AADAC: variants seen among roughly 807,000 people sequenced by gnomAD.
The protein encoded by AADAC is arylacetamide deacetylase (esterase).
A neutral mutation model predicts 22.7 loss-of-function variants in AADAC; 17 were observed. That is an observed-to-expected ratio of 0.75 (90% confidence interval 0.51 to 1.12). The LOEUF is 1.12. Ranked by LOEUF, AADAC falls within the 50% of genes most tolerant of loss-of-function variation. AADAC has a pLI of 0.00. For missense variants in AADAC, 465 were observed against 473.9 expected (o/e 0.98, Z 0.17); for synonymous variants, 167 against 176.3 (o/e 0.95, Z 0.42).
At chr3:151,817,334 A>C (rs190301576) in intron 1 of AADAC, 32 bp from the exon 2 acceptor site, 1 of 1,581,828 alleles carries the variant, frequency 6.3e-7, no homozygotes, top group African/African-American at 1.3e-5. Flanking sequence ...TTGATACTTG[A>C]ATTTCAGGAG....
Position 151,828,188 on chromosome 3 carries a change from T to C in AADAC, c.*16T>C. The C allele has an allele frequency of 1.5e-6, 2 of 1,376,256 alleles. No homozygotes were observed. Among genetic ancestry groups the C allele is most frequent in the African/African-American group, 1.5e-5 (1 of 68,504 alleles). 85.3% of individuals were successfully genotyped at this position (1,376,256 alleles called of 1,614,324 possible). On this transcript the variant is annotated 3_prime_UTR_variant, in exon 5 of 5. Coordinates refer to ENST00000232892, the MANE Select transcript of AADAC (RefSeq NM_001086.3). Reference sequence around the variant, plus strand: ...AAATCTATAGTAAAACATGTAGCTATAACATATTTTAAAAATAAAATCTGA... The same window carrying C: ...AAATCTATAGTAAAACATGTAGCTACAACATATTTTAAAAATAAAATCTGA...
At chr3:151,824,938 T>A in intron 4 of AADAC, 104 bp downstream of exon 4, 1 of 885,482 alleles carries the variant, frequency 1.1e-6, no homozygotes, top group Non-Finnish European at 1.5e-6. Context: ...TGAATGCAAA[T>A]AGGAGATATT....
In AADAC at chr3:151,815,396, T is replaced by A. The variant is rs181423925; in HGVS notation, c.138+1096T>A. ...AGAAATCATATGAAACATTTGGGTT[T>A]AATGGGGAAATTGTTGCAATTAGTT... is the stretch of plus-strand genomic sequence containing the variant. On this transcript the variant is annotated intron_variant, in intron 1 of 4. Coordinates refer to ENST00000232892, the MANE Select transcript of AADAC (RefSeq NM_001086.3). Among the ~76,000 whole-genome samples the A allele has an allele frequency of 5.7e-3, 862 of 152,134 alleles. 13 individuals carry two copies. Among genetic ancestry groups the A allele is most frequent in the Admixed American group, 9.5e-3 (145 of 15,298 alleles).
chr3:151,827,451 G>T, intron 4 of AADAC, 125 bp from the exon 5 acceptor site: 1 of 467,364 alleles, frequency 2.1e-6, no homozygotes, highest in Non-Finnish European at 3.3e-6. Context: ...TATTACTTAA[G>T]TCTTTTTGAG....
intron 3 of AADAC, among the ~76,000 whole-genome samples, chr3:151,823,999 T>C (rs1377223457): frequency 6.6e-6 from 1 of 152,076 alleles, no homozygotes; most frequent in African/African-American, 2.4e-5. Context: ...GGTACAATGT[T>C]GTACAGCAGA....
rs376418498 is a variant in AADAC, at chr3:151,827,468, A to AATAG, written c.604-96_604-93dup. 36 of 696,888 alleles carry AATAG rather than the reference A, an allele frequency of 5.2e-5. 1 individual carries two copies. The highest frequency in any genetic ancestry group is 2.1e-4 in the East Asian group (8 of 37,336). The allele number at this position is 696,888 out of a possible 1,614,324, so 43.2% of individuals were successfully genotyped here. ...TTACTTAAGTCTTTTTGAGATCATG[A>AATAG]ATAGATAGATAGATAAAAACAAGAT... On this transcript the variant is annotated intron_variant, in intron 4 of 4. Coordinates refer to ENST00000232892, the MANE Select transcript of AADAC (RefSeq NM_001086.3).
At chr3:151,819,110 TA>T (rs1431496436) in intron 2 of AADAC, among the ~76,000 whole-genome samples, 1 of 94,684 alleles carries the variant, frequency 1.1e-5, no homozygotes, top group African/African-American at 3.7e-5. Flanking sequence ...GACAGAAGAT[TA>T]AAAAAATAGA....
At chr3:151,827,446 C>A in intron 4 of AADAC, 130 bp from the exon 5 acceptor site, 1 of 482,682 alleles carries the variant, frequency 2.1e-6, no homozygotes, top group Non-Finnish European at 3.4e-6. Context: ...TCATTTATTA[C>A]TTAAGTCTTT....
At chr3:151,818,983 C>T (rs1716117996) in intron 2 of AADAC, among the ~76,000 whole-genome samples, 1 of 151,866 alleles carries the variant, frequency 6.6e-6, no homozygotes. Flanking sequence ...ACTGGACCTA[C>T]TAAGTTAAGA....
chr3:151,824,916 T>G lies in AADAC; in HGVS notation c.603+82T>G. On this transcript the variant is annotated intron_variant, in intron 4 of 4. Transcript: ENST00000232892. ...CATATTTATAAACATATTGAATGCATGTATTAAAATATGAATGCAAATAGG... is the reference window on the plus strand; with the variant it reads ...CATATTTATAAACATATTGAATGCAGGTATTAAAATATGAATGCAAATAGG... The G allele has an allele frequency of 2.7e-6, 3 of 1,131,598 alleles. 1 individual carries two copies. The highest frequency in any genetic ancestry group is 2.3e-6 in the Non-Finnish European group (2 of 856,552). 70.1% of individuals were successfully genotyped at this position (1,131,598 alleles called of 1,614,324 possible). A position where few individuals can be genotyped will look rare whatever the true frequency, so the allele number is the denominator to read the frequency against.
chr3:151,816,871 A>G (rs1174959412), intron 1 of AADAC, among the ~76,000 whole-genome samples: 7 of 152,082 alleles, frequency 4.6e-5, no homozygotes, highest in Non-Finnish European at 8.8e-5. Context: ...GGTTAGCAAA[A>G]GTGGTCTTGT....
intron 1 of AADAC, 67 bp downstream of exon 1, chr3:151,814,367 T>C: frequency 3.4e-6 from 5 of 1,450,280 alleles, no homozygotes; most frequent in Non-Finnish European, 3.7e-6. Context: ...ATTAAGTTTT[T>C]CAAGATTCTA....
chr3:151,818,456 C>A (rs1202714532), intron 2 of AADAC, among the ~76,000 whole-genome samples: 1 of 151,986 alleles, frequency 6.6e-6, no homozygotes, highest in Non-Finnish European at 1.5e-5. Flanking sequence ...GGATCAGGCA[C>A]CCTCCTGAAC....
rs764309323 is a variant in AADAC at position 151,828,019 on chromosome 3, A to G, written c.1047A>G (p.Gly349=). 1 of 1,613,118 alleles carries G rather than the reference A, an allele frequency of 6.2e-7. No individual in the cohort carries two copies. The highest frequency in any genetic ancestry group is 1.3e-5 in the African/African-American group (1 of 74,826). ...AATATGATCTCTTAAGAGATGATGG[A>G]CTCATGTATGTCACCCGACTTCGCA... The part of the protein sequence containing the change: ...TCQYDLLRDD[G]LMYVTRLRNT... The change falls in exon 5 of 5, where the codon GGA becomes GGG. Residue 349 remains glycine, a synonymous_variant. Transcript: ENST00000232892.
chr3:151,825,931 G>C (rs1202322269), intron 4 of AADAC, among the ~76,000 whole-genome samples: 1 of 151,842 alleles, frequency 6.6e-6, no homozygotes, highest in Non-Finnish European at 1.5e-5. Context: ...ATTATAGGCT[G>C]CATCTGGTAG....
In AADAC at chr3:151,827,896, T is replaced by C; in HGVS notation, c.924T>C (p.Ala308=). The part of the protein sequence containing the change: ...NNPNYGSSEL[A]KKYPGFLDVR... Reference sequence around the variant, plus strand: ...CAAATTATGGCAGTTCTGAGCTGGCTAAAAAATATCCAGGGTTCCTAGATG... The same window carrying C: ...CAAATTATGGCAGTTCTGAGCTGGCCAAAAAATATCCAGGGTTCCTAGATG... The change falls in exon 5 of 5, where the codon GCT becomes GCC. Residue 308 remains alanine, a synonymous_variant. Coordinates refer to ENST00000232892, the MANE Select transcript of AADAC (RefSeq NM_001086.3). 1 of 1,611,646 alleles carries C rather than the reference T, an allele frequency of 6.2e-7. No homozygotes were observed. The highest frequency in any genetic ancestry group is 8.5e-7 in the Non-Finnish European group (1 of 1,178,982).
In AADAC at chr3:151,820,931, G is replaced by GA. The variant is rs199524330; in HGVS notation, c.431+488dup. Reference sequence around the variant, plus strand: ...CTAGGCTTAACCTGATTAGAGTTGAGAAAAAAAAATCTGTATATGTGTGTA... The same window carrying GA: ...CTAGGCTTAACCTGATTAGAGTTGAGAAAAAAAAAATCTGTATATGTGTGTA... On this transcript the variant is annotated intron_variant, in intron 3 of 4. Coordinates refer to ENST00000232892, the MANE Select transcript of AADAC (RefSeq NM_001086.3). 5.1e-4 allele frequency among the ~76,000 whole-genome samples: 76 copies of GA among 149,276 alleles called. No homozygotes were observed. The Middle Eastern group carries it at 0.01, about 20-fold the overall frequency.
intron 1 of AADAC, among the ~76,000 whole-genome samples, chr3:151,815,817 C>T (rs756326677): frequency 2.0e-5 from 3 of 151,724 alleles, no homozygotes; most frequent in Non-Finnish European, 2.9e-5. Context: ...TTTTTGTGAT[C>T]GTTTATGCTC....
At position 151,824,820 on chromosome 3, in the gene AADAC, GCAGTGACTCAA is replaced by G. The variant is rs781160947; in HGVS notation, c.593_603del (p.Val198AlafsTer3). 9.5e-6 allele frequency: 15 copies of G among 1,582,930 alleles called. No homozygotes were observed. The highest frequency in any genetic ancestry group is 1.1e-5 in the Non-Finnish European group (13 of 1,166,406). On this transcript the variant is annotated frameshift_variant, in exon 4 of 5. Coordinates refer to ENST00000232892, the MANE Select transcript of AADAC (RefSeq NM_001086.3). LOFTEE classifies it low-confidence loss of function (END_TRUNC). The stretch of plus-strand genomic sequence containing the variant: ...TAGTGCAGGAGGGAATTTAGCTGCA[GCAGTGACTCAA>G]CAGGTATGTTCATAATTTCTATGCT...
Sources: gnomAD v4.1 joint callset for allele counts (sites outside exome capture counted in the v4.1 genomes callset) on GRCh38, gnomAD v4.1.1 for gene constraint, MANE v1.5 for transcripts, NCBI Gene and HGNC (gene_info 2026-07-23, HGNC 2026-07-21) for gene names.